The following MAP4 variants were observed in gnomAD, a reference collection of about 807,000 sequenced individuals.
MAP4 encodes microtubule associated protein 4.
A neutral mutation model predicts 170.2 loss-of-function variants in MAP4; 76 were observed. The ratio of observed to expected loss-of-function variants is 0.45; its 90% CI spans 0.37 to 0.54. MAP4 has a LOEUF of 0.54. Among genes scored for constraint, MAP4 ranks in the 20% least tolerant of loss-of-function variants. MAP4 has a pLI of 0.00. For synonymous variants in MAP4, 909 were observed against 994.5 expected (o/e 0.91, Z 1.62); for missense variants, 2,506 against 2,748.0 (o/e 0.91, Z 1.97).
rs1192922235 is a variant in MAP4 at position 47,911,573 on chromosome 3, G to A, written c.2848C>T (p.Pro950Ser). 1 of 1,535,954 alleles carries A rather than the reference G, an allele frequency of 6.5e-7. No homozygotes were observed. The highest frequency in any genetic ancestry group is 1.4e-5 in the African/African-American group (1 of 73,028). ...CCCATAACCTCTTGGTCCAAGAAAG[G>A]AGAGCAACCCTCTTTAAGTCTGATA... ...LDIRLKEGCS[P>S]FLDQEVMGVV... Residue 950 changes from proline (P) to serine (S), a missense_variant, in exon 9 of 21, where the codon CCT (proline) becomes TCT (serine). Pro to Ser is a moderately conservative substitution (Grantham distance 74, BLOSUM62 -1). Transcript: ENST00000683076. This position sits in a 1 kb window ranked among gnomAD's most constrained non-coding sequence, Gnocchi z 4.0.
Position 47,911,351 on chromosome 3 carries a change from C to T in MAP4, c.3070G>A (p.Glu1024Lys), listed in dbSNP as rs950142558. The T allele has an allele frequency of 8.5e-6, 13 of 1,536,010 alleles. No individual in the cohort carries two copies. In the South Asian group the frequency reaches 1.1e-4, roughly 13 times the overall value. The change falls in exon 9 of 21, where the codon GAA becomes AAA. Residue 1024 changes from glutamate (E) to lysine (K), a missense_variant. This residue lies in a region of MAP4 where 2,008 missense variants were observed against 2,206.0 expected (regional missense o/e 0.91). Coordinates refer to ENST00000683076, the MANE Select transcript of MAP4 (RefSeq NM_001385682.1). This position sits in a 1 kb window ranked among gnomAD's most constrained non-coding sequence, Gnocchi z 4.0. Reference protein sequence around the residue: ...KELKKEAFPNERQEISIFTSE... With the variant: ...KELKKEAFPNKRQEISIFTSE... ...GTAAAGATGCTGATCTCTTGTCTTT[C>T]GTTGGGAAAAGCTTCCTTTTTTAGT...
At chr3:47,949,465 C>CAAAAA (rs60076214) in intron 3 of MAP4, among the ~76,000 whole-genome samples, 9 of 70,928 alleles carry the variant, frequency 1.3e-4, no homozygotes, top group Non-Finnish European at 1.8e-4. Context: ...GACTGCGTCC[C>CAAAAA]AAAAAAAAAA....
At chr3:47,946,511 G>A (rs886608342) in intron 3 of MAP4, among the ~76,000 whole-genome samples, 12 of 151,288 alleles carry the variant, frequency 7.9e-5, no homozygotes, top group Non-Finnish European at 1.3e-4. Flanking sequence ...AAAATTAGCC[G>A]GGTGTTGTGG....
intron 1 of MAP4, among the ~76,000 whole-genome samples, chr3:48,049,784 A>C (rs139732979): frequency 3.9e-4 from 59 of 151,586 alleles, no homozygotes; most frequent in African/African-American, 9.4e-4. Flanking sequence ...CACACACACA[A>C]AAAAATAGCT....
intron 19 of MAP4, chr3:47,854,986 C>A: frequency 2.2e-6 from 1 of 456,878 alleles, no homozygotes; most frequent in Non-Finnish European, 4.0e-6. Flanking sequence ...GCTGGATGGG[C>A]TCAATTAGGA....
At chr3:47,960,615 T>TC (rs1283586401) in intron 3 of MAP4, 1 of 180,978 alleles carries the variant, frequency 5.5e-6, no homozygotes, top group East Asian at 1.5e-4. Flanking sequence ...ATGTAGACAA[T>TC]CTTCAATGCC....
intron 10 of MAP4, among the ~76,000 whole-genome samples, chr3:47,886,571 G>C (rs1193733616): frequency 2.0e-5 from 3 of 152,136 alleles, no homozygotes; most frequent in Non-Finnish European, 4.4e-5. Context: ...CCAAAGTGCT[G>C]AGATTACAGG....
rs1451574565 is a variant in MAP4 at position 47,909,760 on chromosome 3, G to A, written c.4661C>T (p.Ser1554Leu). The A allele has an allele frequency of 1.9e-6, 3 of 1,613,856 alleles. No homozygotes were observed. In the African/African-American group the frequency reaches 4.0e-5, roughly 22 times the overall value. ...ATGCTTAGACGCACCACTGTGCACT[G>A]ACTCAGATTCTCCTATCACATGCCC... ...DEGHVIGESE[S>L]VHSGASKHSV... The change falls in exon 9 of 21, where the codon TCA (serine) becomes TTA (leucine). Residue 1554 changes from serine to leucine, a missense_variant. This residue lies in a region of MAP4 where 2,008 missense variants were observed against 2,206.0 expected (regional missense o/e 0.91). Transcript: ENST00000683076.
Position 47,870,890 on chromosome 3 carries a change from A to T in MAP4, c.6217T>A (p.Ser2073Thr). 6.2e-7 allele frequency: 1 copy of T among 1,613,456 alleles called. No individual in the cohort carries two copies. Among genetic ancestry groups the T allele is most frequent in the Non-Finnish European group, 8.5e-7 (1 of 1,179,688 alleles). ...CGGACATTCTTCAGATCAGGAGCAG[A>T]AGTATTGGTGGCCAGGCGGCTGAGC... ...PRLSRLATNT[S>T]APDLKNVRSK... Residue 2073 changes from serine to threonine, a missense_variant, in exon 15 of 21, where the codon TCT becomes ACT. By Grantham distance (58) the Ser-to-Thr change is moderately conservative. Around this residue, in one of 3 missense-constraint regions of MAP4, gnomAD observed 487 missense variants for 511.6 expected, o/e 0.95. Transcript: ENST00000683076.
chr3:47,853,343 C>G lies in MAP4; in HGVS notation c.6706G>C (p.Gly2236Arg), dbSNP rs562014821. 1 of 1,605,126 alleles carries G rather than the reference C, an allele frequency of 6.2e-7. No homozygotes were observed. The highest frequency in any genetic ancestry group is 8.5e-7 in the Non-Finnish European group (1 of 1,177,496). Reference protein sequence around the residue: ...PAGGAVKTEGGGSEAPLCPGP... With the variant: ...PAGGAVKTEGRGSEAPLCPGP... The stretch of plus-strand genomic sequence containing the variant: ...GGACACAGAGGAGCCTCGCTGCCAC[C>G]GCCCTCAGTCTACAATGAAACAGTG... The change falls in exon 20 of 21, where the codon GGT (glycine) becomes CGT (arginine). Residue 2236 changes from glycine to arginine, a missense_variant. By Grantham distance (125) the Gly-to-Arg change is moderately radical. This residue lies in a region of MAP4 where 487 missense variants were observed against 511.6 expected (regional missense o/e 0.95). Coordinates refer to ENST00000683076, the MANE Select transcript of MAP4 (RefSeq NM_001385682.1).
chr3:47,959,542 G>A (rs1008980600), intron 3 of MAP4, among the ~76,000 whole-genome samples: 1 of 151,840 alleles, frequency 6.6e-6, no homozygotes, highest in African/African-American at 2.4e-5. Flanking sequence ...AGATCACAAG[G>A]TCAGGAGATC....
At chr3:47,943,555 G>A (rs747476959) in intron 3 of MAP4, among the ~76,000 whole-genome samples, 8 of 151,932 alleles carry the variant, frequency 5.3e-5, no homozygotes, top group Non-Finnish European at 1.2e-4. Flanking sequence ...GGTGCAGTGA[G>A]CCCAGATCCC....
At position 47,912,327 on chromosome 3, in the gene MAP4, G is replaced by C. The variant is rs543415997; in HGVS notation, c.2094C>G (p.Val698=). 8.9e-5 allele frequency: 137 copies of C among 1,536,150 alleles called. 1 individual carries two copies. In the South Asian group the frequency reaches 1.6e-3, roughly 17 times the overall value. ...GAGAGCCTCCCAGCAGCTCAGGAGG[G>C]ACCCTGGCAGGCTTGGGCCGGGTTG... The part of the protein sequence containing the change: ...RRSTRPKPAR[V]PPELLGGSPP... The change falls in exon 9 of 21, where the codon GTC becomes GTG. Residue 698 remains valine, a synonymous_variant. Transcript: ENST00000683076.
At chr3:47,969,636 T>A (rs914675075) in intron 3 of MAP4, among the ~76,000 whole-genome samples, 1 of 152,182 alleles carries the variant, frequency 6.6e-6, no homozygotes, top group Non-Finnish European at 1.5e-5. Context: ...TGCTACAGCA[T>A]CCAGCTGCAC....
chr3:47,959,318 C>T (rs973325490), intron 3 of MAP4, among the ~76,000 whole-genome samples: 2 of 151,870 alleles, frequency 1.3e-5, no homozygotes, highest in African/African-American at 4.8e-5. Flanking sequence ...ATCAGCCGAG[C>T]GTGGTAGCAC....
intron 3 of MAP4, among the ~76,000 whole-genome samples, chr3:47,937,106 A>T (rs547891744): frequency 1.1e-4 from 16 of 148,606 alleles, no homozygotes; most frequent in African/African-American, 2.5e-4. Flanking sequence ...ATCCAGAATT[A>T]AAAAAAAAAA....
At chr3:47,941,706 G>A (rs1012450211) in intron 3 of MAP4, among the ~76,000 whole-genome samples, 1 of 149,356 alleles carries the variant, frequency 6.7e-6, no homozygotes, top group Non-Finnish European at 1.5e-5. Flanking sequence ...AGGACTGTTT[G>A]AACCCGGGAG....
At chr3:47,857,604 G>A in intron 17 of MAP4, 92 bp from the exon 18 acceptor site, 1 of 833,400 alleles carries the variant, frequency 1.2e-6, no homozygotes, top group Non-Finnish European at 2.0e-6. Context: ...CCATGTTCAG[G>A]GTTTCTCGCT....
intron 12 of MAP4, among the ~76,000 whole-genome samples, chr3:47,872,840 A>C (rs1344279367): frequency 6.6e-6 from 1 of 152,242 alleles, no homozygotes; most frequent in Admixed American, 6.5e-5. Context: ...AATGTATTAT[A>C]CTTGACCAAA....
Sources: allele counts gnomAD v4.1 joint callset (sites outside exome capture counted in the v4.1 genomes callset), GRCh38; gene constraint gnomAD v4.1.1; regional missense constraint gnomAD v4.1.1; non-coding constraint Gnocchi (gnomAD v3.1); transcripts MANE v1.5; gene names NCBI Gene and HGNC (gene_info 2026-07-23, HGNC 2026-07-21).